Variants in IWS1 observed in about 807,000 individuals in gnomAD.
IWS1 encodes the protein protein IWS1 homolog.
A neutral mutation model predicts 86.7 loss-of-function variants in IWS1; 27 were observed. That is an observed-to-expected ratio of 0.31 (90% CI 0.23 to 0.43). IWS1 has a LOEUF of 0.43. Among genes scored for constraint, IWS1 ranks in the 20% least tolerant of loss-of-function variants. The pLI is 1.00. For synonymous variants in IWS1, 313 were observed against 335.1 expected, an observed-to-expected ratio of 0.93 and a Z score of 0.72; for missense variants, 827 against 1,000.8, an observed-to-expected ratio of 0.83 and a Z score of 2.34.
chr2:127,492,612 C>T (rs1392464525), intron 9 of IWS1: 1 of 153,320 alleles, frequency 6.5e-6, no homozygotes, highest in Non-Finnish European at 1.4e-5. Flanking sequence ...TAAAACCTAA[C>T]AATGTGAGAA....
rs373717102 is a variant in IWS1 at position 127,526,131 on chromosome 2, A to G, written c.34+44T>C. On this transcript the variant is annotated intron_variant, in intron 1 of 13. Transcript: ENST00000295321. ...GGTGCCAGGCCAAGCCCCGCCGAGT[A>G]ACTGCTCCGCCTCCCAGCCCGGTCC... 74 of 1,561,856 alleles carry G rather than the reference A, an allele frequency of 4.7e-5. 1 individual carries two copies. In the African/African-American group the frequency reaches 9.2e-4, roughly 20 times the overall value.
intron 2 of IWS1, among the ~76,000 whole-genome samples, chr2:127,510,395 A>G (rs1313853009): frequency 6.6e-6 from 1 of 152,206 alleles, no homozygotes; most frequent in African/African-American, 2.4e-5. Context: ...CCTGTCTATC[A>G]AAAGTTGGTT....
At chr2:127,493,252 A>G (rs1198619370) in intron 9 of IWS1, 29 bp downstream of exon 9, 8 of 1,592,912 alleles carry the variant, frequency 5.0e-6, no homozygotes, top group Non-Finnish European at 6.8e-6. Flanking sequence ...GATAATTAAT[A>G]AAGAACAGTC....
chr2:127,520,454 A>G (rs770306454), intron 2 of IWS1, among the ~76,000 whole-genome samples: 9 of 152,248 alleles, frequency 5.9e-5, no homozygotes, highest in Non-Finnish European at 1.2e-4. Context: ...GGCAAGGGCC[A>G]CCACGCCCGG....
In IWS1 at chr2:127,499,370, G is replaced by A. The variant is rs1690684613; in HGVS notation, c.1468-1133C>T. 6.6e-6 allele frequency among the ~76,000 whole-genome samples: 1 copy of A among 152,156 alleles called. No individual in the cohort carries two copies. On this transcript the variant is annotated intron_variant, in intron 5 of 13. Coordinates refer to ENST00000295321, the MANE Select transcript of IWS1 (RefSeq NM_017969.3). The surrounding 1 kb of genome is among the most constrained non-coding windows in gnomAD (Gnocchi z 4.0). ...CTCCCAAAGTGCTGGGATTACAGGC[G>A]TGAGCCACCGCGCCCGGCCAATTTT...
chr2:127,526,035 G>C lies in IWS1; in HGVS notation c.34+140C>G, dbSNP rs1004480606. ...GCTTCGACGCTTGCAGCTGGTCAGA[G>C]GGCTCTTGCCCTCCTCGGGCCGGGT... is the stretch of plus-strand genomic sequence containing the variant. On this transcript the variant is annotated intron_variant, in intron 1 of 13. Coordinates refer to ENST00000295321, the MANE Select transcript of IWS1 (RefSeq NM_017969.3). 1.8e-5 allele frequency: 13 copies of C among 732,176 alleles called. No individual in the cohort carries two copies. In the African/African-American group the frequency reaches 1.8e-4, roughly 10 times the overall value. 45.4% of individuals were successfully genotyped at this position (732,176 alleles called of 1,614,324 possible).
chr2:127,515,791 GAC>G (rs1691733610), intron 2 of IWS1, among the ~76,000 whole-genome samples: 1 of 152,144 alleles, frequency 6.6e-6, no homozygotes, highest in South Asian at 2.1e-4. Flanking sequence ...CAGTGAGGCT[GAC>G]TCCACTCCAG....
chr2:127,496,719 A>G (rs1011752399), intron 6 of IWS1, among the ~76,000 whole-genome samples: 1 of 152,008 alleles, frequency 6.6e-6, no homozygotes, highest in African/African-American at 2.4e-5. Flanking sequence ...CTACAGGCCC[A>G]CACAACATGC....
At position 127,496,129 on chromosome 2, in the gene IWS1, A is replaced by T. The variant is rs1242506991; in HGVS notation, c.1585T>A (p.Phe529Ile). ...TTTTTTCGCTGCAACATCATCTCAA[A>T]ATCTGACAGAAAGTCCATACTAAAG... The part of the protein sequence containing the change: ...RGKHMDFLSD[F>I]EMMLQRKKSM... The change falls in exon 7 of 14, where the codon TTT (phenylalanine) becomes ATT (isoleucine). Residue 529 changes from phenylalanine (F) to isoleucine (I), a missense_variant. Coordinates refer to ENST00000295321, the MANE Select transcript of IWS1 (RefSeq NM_017969.3). 1 of 1,613,322 alleles carries T rather than the reference A, an allele frequency of 6.2e-7. No homozygotes were observed. The highest frequency in any genetic ancestry group is 8.5e-7 in the Non-Finnish European group (1 of 1,179,714).
At chr2:127,487,597 C>A (rs1689993443) in intron 12 of IWS1, among the ~76,000 whole-genome samples, 1 of 152,176 alleles carries the variant, frequency 6.6e-6, no homozygotes, top group Admixed American at 6.5e-5. Context: ...GTTGCCCGGG[C>A]TAGAGTGCAG....
rs371511015 is a variant in IWS1, at chr2:127,481,026, G to T, written c.*18C>A. Reference sequence around the variant, plus strand: ...GCGCATTTCTTAGAGTAGAGATGGGGACACATTCCAGGCAAGGTCACAATG... The same window carrying T: ...GCGCATTTCTTAGAGTAGAGATGGGTACACATTCCAGGCAAGGTCACAATG... On this transcript the variant is annotated 3_prime_UTR_variant, in exon 14 of 14. Coordinates refer to ENST00000295321, the MANE Select transcript of IWS1 (RefSeq NM_017969.3). 3.8e-6 allele frequency: 6 copies of T among 1,597,652 alleles called. No homozygotes were observed. The highest frequency in any genetic ancestry group is 5.1e-6 in the Non-Finnish European group (6 of 1,174,870).
chr2:127,514,701 C>G (rs1160588358), intron 2 of IWS1: 1 of 152,428 alleles, frequency 6.6e-6, no homozygotes, highest in African/African-American at 2.4e-5. Flanking sequence ...CACACGGAGC[C>G]AGCGCCTGTG....
At chr2:127,519,492 C>CGT (rs200443749) in intron 2 of IWS1, among the ~76,000 whole-genome samples, 1,937 of 148,582 alleles carry the variant, frequency 0.013, 47 homozygotes, top group African/African-American at 0.046. Context: ...TGTGTGTGTG[C>CGT]GTGTGTGTGC....
chr2:127,500,848 C>G (rs1690764048), intron 5 of IWS1, among the ~76,000 whole-genome samples: 1 of 152,082 alleles, frequency 6.6e-6, no homozygotes, highest in Non-Finnish European at 1.5e-5. Flanking sequence ...CTTTCCCCCC[C>G]TATTAGTTTA....
intron 9 of IWS1, 85 bp downstream of exon 9, chr2:127,493,196 A>G (rs1690323976): frequency 1.6e-6 from 2 of 1,247,130 alleles, no homozygotes; most frequent in Non-Finnish European, 2.1e-6. Context: ...GATAACATAT[A>G]AAAACACTGT....
In IWS1 at chr2:127,504,970, A is replaced by G. The variant is rs1378107502; in HGVS notation, c.933T>C (p.Pro311=). Residue 311 remains proline (P), a synonymous_variant, in exon 3 of 14, where the codon CCT becomes CCC. Coordinates refer to ENST00000295321, the MANE Select transcript of IWS1 (RefSeq NM_017969.3). ...DSESEGPQKG[P]ASDSETEDAS... ...CATCCTCAGTTTCTGAGTCACTGGC[A>G]GGCCCCTTCTGAGGCCCCTCACTCT... 1 of 1,614,012 alleles carries G rather than the reference A, an allele frequency of 6.2e-7. No individual in the cohort carries two copies. The highest frequency in any genetic ancestry group is 8.5e-7 in the Non-Finnish European group (1 of 1,179,992).
At chr2:127,525,824 C>T (rs542115131) in intron 1 of IWS1, among the ~76,000 whole-genome samples, 4 of 152,318 alleles carry the variant, frequency 2.6e-5, no homozygotes, top group Non-Finnish European at 1.5e-5. Flanking sequence ...AGGAAGGATC[C>T]CCCGCCCCAA....
At chr2:127,502,616 A>G (rs1241343893) in intron 5 of IWS1, 199 bp downstream of exon 5, 2 of 379,298 alleles carry the variant, frequency 5.3e-6, no homozygotes, top group South Asian at 1.4e-4. Context: ...CCTTAATTCA[A>G]TTTTGCCCAT....
At position 127,491,076 on chromosome 2, in the gene IWS1, G is replaced by A. The variant is rs186320420; in HGVS notation, c.2047+895C>T. 1.6e-3 allele frequency among the ~76,000 whole-genome samples: 244 copies of A among 152,262 alleles called. 2 individuals carry two copies. The highest frequency in any genetic ancestry group is 2.9e-3 in the Admixed American group (45 of 15,302). Reference sequence around the variant, plus strand: ...AACTGAAGAATTTCACAAACATGGCGCTTGATTACATAAATTTTGGTTTAG... The same window carrying A: ...AACTGAAGAATTTCACAAACATGGCACTTGATTACATAAATTTTGGTTTAG... On this transcript the variant is annotated intron_variant, in intron 10 of 13. Coordinates refer to ENST00000295321, the MANE Select transcript of IWS1 (RefSeq NM_017969.3).
Sources: gnomAD v4.1 joint callset for allele counts (sites outside exome capture counted in the v4.1 genomes callset) on GRCh38, gnomAD v4.1.1 for gene constraint, Gnocchi (gnomAD v3.1) non-coding constraint, MANE v1.5 for transcripts, NCBI Gene and HGNC (gene_info 2026-07-23, HGNC 2026-07-21) for gene names.